ATXN2: variants seen among roughly 807,000 people sequenced by gnomAD.
The protein encoded by ATXN2 is ataxin 2.
Under a neutral mutation model 138.6 loss-of-function variants are expected in ATXN2, and 37 were observed. The observed-to-expected ratio is 0.27, with a 90% confidence interval of 0.21 to 0.35. The LOEUF is 0.35. ATXN2 is among the 10% of genes least tolerant of loss of function. ATXN2 has a pLI of 1.00. For missense variants in ATXN2, 1,216 were observed against 1,480.3 expected, an observed-to-expected ratio of 0.82 and a Z score of 2.93; for synonymous variants, 549 against 543.7, an observed-to-expected ratio of 1.01 and a Z score of -0.13.
At chr12:111,505,192 G>C (rs1879030390) in intron 14 of ATXN2, among the ~76,000 whole-genome samples, 1 of 152,086 alleles carries the variant, frequency 6.6e-6, no homozygotes, top group African/African-American at 2.4e-5. Context: ...CTAAGCAAAA[G>C]AGCGAGATTC....
chr12:111,472,975 A>C (rs1186435351), intron 18 of ATXN2, among the ~76,000 whole-genome samples: 3 of 152,170 alleles, frequency 2.0e-5, no homozygotes, highest in African/African-American at 4.8e-5. Flanking sequence ...TTAATTTATA[A>C]GTTTATTGTG....
At chr12:111,501,855 A>T (rs1878790803) in intron 14 of ATXN2, among the ~76,000 whole-genome samples, 1 of 151,656 alleles carries the variant, frequency 6.6e-6, no homozygotes, top group Non-Finnish European at 1.5e-5. Flanking sequence ...TTTTCTTACA[A>T]TGTCAAACAC....
In ATXN2 at chr12:111,456,077, G is replaced by T; in HGVS notation, c.3222C>A (p.His1074Gln). The T allele has an allele frequency of 6.2e-7, 1 of 1,614,234 alleles. No homozygotes were observed. The highest frequency in any genetic ancestry group is 1.3e-5 in the African/African-American group (1 of 75,058). ...GTGGGTTGGTATACGCCGGCTGAAC[G>T]TGAGAAGGATGGATCGTAAAGACAG... The part of the protein sequence containing the change: ...QQTVFTIHPS[H>Q]VQPAYTNPPH... The change falls in exon 23 of 25, where the codon CAC becomes CAA. Residue 1074 changes from histidine to glutamine, a missense_variant. By Grantham distance (24) the His-to-Gln change is conservative (BLOSUM62 0). Coordinates refer to ENST00000673436, the MANE Select transcript of ATXN2 (RefSeq NM_001372574.1).
chr12:111,490,230 A>G (rs893148844), intron 14 of ATXN2, among the ~76,000 whole-genome samples: 7 of 151,458 alleles, frequency 4.6e-5, no homozygotes, highest in Non-Finnish European at 8.8e-5. Context: ...AAAAAAAAAA[A>G]GTTTTAAAAA....
intron 14 of ATXN2, among the ~76,000 whole-genome samples, chr12:111,496,497 C>G (rs1878430653): frequency 2.0e-5 from 3 of 151,992 alleles, no homozygotes; most frequent in African/African-American, 7.3e-5. Flanking sequence ...GATCGCGCCA[C>G]TACACTCCAG....
chr12:111,591,446 G>A (rs992660837), intron 1 of ATXN2, among the ~76,000 whole-genome samples: 10 of 151,968 alleles, frequency 6.6e-5, no homozygotes, highest in African/African-American at 2.4e-4. Context: ...GAGGCAGGAG[G>A]ATCACTTGAG....
rs1885033583 is a variant in ATXN2, at chr12:111,598,163, G to A, written c.251+621C>T. On this transcript the variant is annotated intron_variant, in intron 1 of 24. Coordinates refer to ENST00000673436, the MANE Select transcript of ATXN2 (RefSeq NM_001372574.1). The surrounding 1 kb of genome is among the most constrained non-coding windows in gnomAD (Gnocchi z 4.5). The stretch of plus-strand genomic sequence containing the variant: ...GGACACGAACGCAGAGGGGTGCGGG[G>A]GCCAAGGCCCACTTGTCTCCACCCC... 2 of 1,092,134 alleles carry A rather than the reference G, an allele frequency of 1.8e-6. No individual in the cohort carries two copies. Among genetic ancestry groups the A allele is most frequent in the African/African-American group, 1.6e-5 (1 of 60,684 alleles). The allele number at this position is 1,092,134 out of a possible 1,614,324, so 67.7% of individuals were successfully genotyped here. A position where few individuals can be genotyped will look rare whatever the true frequency, so the allele number is the denominator to read the frequency against.
intron 15 of ATXN2, among the ~76,000 whole-genome samples, chr12:111,488,076 C>T (rs534793199): frequency 2.0e-5 from 3 of 152,160 alleles, no homozygotes; most frequent in African/African-American, 7.2e-5. Context: ...TTTTGAATTC[C>T]AAGTAGAAGC....
Position 111,485,277 on chromosome 12 carries a change from T to C in ATXN2, c.2512A>G (p.Arg838Gly). Residue 838 changes from arginine (R) to glycine (G), a missense_variant, in exon 18 of 25, where the codon AGA becomes GGA. Physicochemically the swap from Arg to Gly is moderately radical, Grantham distance 125 (BLOSUM62 -2). This residue lies in a region of ATXN2 where 490 missense variants were observed against 653.5 expected (regional missense o/e 0.75). Coordinates refer to ENST00000673436, the MANE Select transcript of ATXN2 (RefSeq NM_001372574.1). ...GGATTATTCTCACCTTTACCTGCTC[T>C]ATATGTCTTGGCTTGATTCACTGGC... ...PMPVNQAKTY[R>G]AGKVPNMPQQ... 6.2e-7 allele frequency: 1 copy of C among 1,612,778 alleles called. No homozygotes were observed. Among genetic ancestry groups the C allele is most frequent in the Non-Finnish European group, 8.5e-7 (1 of 1,179,112 alleles).
intron 17 of ATXN2, 23 bp downstream of exon 17, chr12:111,485,690 G>A (rs1877587837): frequency 6.2e-7 from 1 of 1,612,504 alleles, no homozygotes; most frequent in Admixed American, 1.7e-5. Flanking sequence ...GAGGCTAAGT[G>A]AACATCAAAT....
rs553592537 is a variant in ATXN2, at chr12:111,588,577, G to A, written c.251+10207C>T. On this transcript the variant is annotated intron_variant, in intron 1 of 24. Coordinates refer to ENST00000673436, the MANE Select transcript of ATXN2 (RefSeq NM_001372574.1). ...GCAGAGGTTGCAATGAGCCGAGATC[G>A]CACCACTGCACTCCAGCCTAGGTGA... Among the ~76,000 whole-genome samples, 19 of 151,358 alleles carry A rather than the reference G, an allele frequency of 1.3e-4. No homozygotes were observed. The South Asian group carries it at 4.0e-3, about 32-fold the overall frequency.
At chr12:111,457,040 G>A (rs1228218901) in intron 22 of ATXN2, among the ~76,000 whole-genome samples, 174 bp downstream of exon 22, 3 of 152,244 alleles carry the variant, frequency 2.0e-5, no homozygotes, top group East Asian at 1.9e-4. Flanking sequence ...GAGCCACTGC[G>A]CCCAGCCTTT....
At chr12:111,539,532 G>C (rs1246364542) in intron 5 of ATXN2, among the ~76,000 whole-genome samples, 2 of 150,260 alleles carry the variant, frequency 1.3e-5, no homozygotes, top group Non-Finnish European at 3.0e-5. Context: ...TGGATCACGA[G>C]GTCAGGAGAT....
chr12:111,550,552 AAC>A, intron 5 of ATXN2, among the ~76,000 whole-genome samples: 1 of 152,278 alleles, frequency 6.6e-6, no homozygotes, highest in East Asian at 1.9e-4. Context: ...TTGAATTTAT[AAC>A]AGAGGAATAT....
chr12:111,565,760 C>G (rs1484604651), intron 1 of ATXN2, among the ~76,000 whole-genome samples: 1 of 152,118 alleles, frequency 6.6e-6, no homozygotes, highest in Non-Finnish European at 1.5e-5. Context: ...CTTTGGGAGG[C>G]CAAGGCAGGT....
intron 1 of ATXN2, among the ~76,000 whole-genome samples, chr12:111,578,977 G>A (rs945992345): frequency 4.6e-5 from 7 of 152,122 alleles, no homozygotes; most frequent in Non-Finnish European, 7.4e-5. Context: ...GGTCAATGTT[G>A]CAGTCAGACA....
chr12:111,478,181 T>C (rs1280445797), intron 18 of ATXN2, among the ~76,000 whole-genome samples: 1 of 151,866 alleles, frequency 6.6e-6, no homozygotes, highest in East Asian at 1.9e-4. Context: ...CCGAGGCAGG[T>C]AGATCACCTG....
intron 21 of ATXN2, chr12:111,458,416 C>A (rs1390305317): frequency 2.0e-5 from 3 of 152,278 alleles, no homozygotes; most frequent in African/African-American, 7.2e-5. Flanking sequence ...ACGTGAGCCA[C>A]CGTGCCTGGC....
At chr12:111,540,145 T>C (rs1881418193) in intron 5 of ATXN2, among the ~76,000 whole-genome samples, 1 of 144,164 alleles carries the variant, frequency 6.9e-6, no homozygotes. Flanking sequence ...TAGAACAAAA[T>C]AGAAATTAGA....
Sources: allele counts gnomAD v4.1 joint callset (sites outside exome capture counted in the v4.1 genomes callset), GRCh38; gene constraint gnomAD v4.1.1; regional missense constraint gnomAD v4.1.1; non-coding constraint Gnocchi (gnomAD v3.1); transcripts MANE v1.5; gene names NCBI Gene and HGNC (gene_info 2026-07-23, HGNC 2026-07-21).